Variants in TRPM1 observed in about 807,000 individuals in gnomAD.
TRPM1 encodes transient receptor potential cation channel subfamily M member 1.
TRPM1 carries 113 observed loss-of-function variants against 149.4 expected under a neutral mutation model. The ratio of observed to expected loss-of-function variants is 0.76; its 90% CI spans 0.65 to 0.88. The LOEUF is 0.88. TRPM1 is among the 40% of genes least tolerant of loss of function. TRPM1 has a pLI of 0.00. For missense variants in TRPM1, 1,976 were observed against 2,038.7 expected (o/e 0.97, Z 0.59); for synonymous variants, 741 against 759.5 (o/e 0.98, Z 0.40).
intron 20 of TRPM1, 66 bp from the exon 21 acceptor site, chr15:31,035,740 T>C (rs2033339482): frequency 1.2e-6 from 2 of 1,610,588 alleles, no homozygotes; most frequent in African/African-American, 1.3e-5. Flanking sequence ...TTTGAAACGC[T>C]GTTTTCTTTC....
upstream of TRPM1, among the ~76,000 whole-genome samples, chr15:31,104,155 G>A (rs1050861313): frequency 2.0e-5 from 3 of 152,142 alleles, no homozygotes; most frequent in Non-Finnish European, 4.4e-5. Context: ...ACCCAGCTGC[G>A]GGGGTGCAGT....
chr15:31,047,314 C>T (rs898201628), intron 14 of TRPM1, 63 bp from the exon 15 acceptor site: 79 of 1,600,532 alleles, frequency 4.9e-5, no homozygotes, highest in African/African-American at 6.7e-5. Context: ...CTTCATCACA[C>T]GTCTAGGGGG....
upstream of TRPM1, among the ~76,000 whole-genome samples, chr15:31,104,586 CT>C (rs928062797): frequency 0.013 from 1,102 of 87,480 alleles, 5 homozygotes; most frequent in African/African-American, 0.04. Flanking sequence ...GGTGATCTTC[CT>C]TTTTTTTTTT....
chr15:31,159,270 A>C (rs887278933), intron 1 of TRPM1, among the ~76,000 whole-genome samples: 1 of 152,040 alleles, frequency 6.6e-6, no homozygotes, highest in African/African-American at 2.4e-5. Context: ...ACCCATTGCA[A>C]TTTCAAGGCA....
In TRPM1 at chr15:31,026,254, C is replaced by A; in HGVS notation, c.3514G>T (p.Glu1172Ter). Residue 1172 changes from glutamate (E) to a stop codon, truncating the protein, a stop_gained, in exon 27 of 28, where the codon GAG becomes TAG. Transcript: ENST00000256552. LOFTEE classifies it high-confidence loss of function. ...AACTCATGCAGCCTCTTTAGCTCCT[C>A]GTCGCTAAGGAAGAGCTCTGTGTGA... ...DRGLKLFLSDEELKRLHEFEE... is the reference protein window; with the variant it reads ...DRGLKLFLSD 6.2e-7 allele frequency: 1 copy of A among 1,611,428 alleles called. No homozygotes were observed.
intron 26 of TRPM1, among the ~76,000 whole-genome samples, chr15:31,026,472 C>T (rs759882992): frequency 6.6e-6 from 1 of 152,134 alleles, no homozygotes; most frequent in Non-Finnish European, 1.5e-5. Context: ...CCAAACGGCC[C>T]GCTTTTAAAC....
chr15:31,088,046 T>C (rs913149515), intron 1 of TRPM1, among the ~76,000 whole-genome samples: 1 of 152,252 alleles, frequency 6.6e-6, no homozygotes, highest in Non-Finnish European at 1.5e-5. Flanking sequence ...CGCTTCACTC[T>C]AGTCCTTGTG....
At chr15:31,113,720 C>G (rs1344190439) in intron 1 of TRPM1, among the ~76,000 whole-genome samples, 1 of 152,222 alleles carries the variant, frequency 6.6e-6, no homozygotes, top group Admixed American at 6.5e-5. Flanking sequence ...CGGTGGATTT[C>G]TGGTCCCACC....
chr15:31,043,096 T>C (rs2033667936), intron 16 of TRPM1, among the ~76,000 whole-genome samples: 1 of 152,242 alleles, frequency 6.6e-6, no homozygotes, highest in South Asian at 2.1e-4. Flanking sequence ...CTCAGCCACA[T>C]TCACAGAGTT....
rs79187647 is a variant in TRPM1, at chr15:31,121,310, C to T, written c.54+39596G>A. Among the ~76,000 whole-genome samples, 1,029 of 145,628 alleles carry T rather than the reference C, an allele frequency of 7.1e-3. 15 individuals are homozygous for T. Among genetic ancestry groups the T allele is most frequent in the African/African-American group, 0.024 (961 of 39,426 alleles). ...AAGTAGAAAGAAGAACAAATTAAAACTAATATAAGCAGGAAAAAGAAATAA... is the reference window on the plus strand; with the variant it reads ...AAGTAGAAAGAAGAACAAATTAAAATTAATATAAGCAGGAAAAAGAAATAA... On this transcript the variant is annotated intron_variant, in intron 1 of 26. Coordinates refer to the TRPM1 transcript ENST00000542188.
chr15:31,024,502 G>A (rs901553343), intron 27 of TRPM1, among the ~76,000 whole-genome samples: 6 of 152,154 alleles, frequency 3.9e-5, no homozygotes, highest in Non-Finnish European at 5.9e-5. Flanking sequence ...GATCTCAGCC[G>A]AGGGAAACAG....
intron 21 of TRPM1, 123 bp downstream of exon 21, chr15:31,035,423 G>T: frequency 1.4e-6 from 2 of 1,407,882 alleles, no homozygotes; most frequent in Non-Finnish European, 2.0e-6. Context: ...TGGGATTACA[G>T]GCATGAGCCA....
chr15:31,035,988 AAT>A, intron 20 of TRPM1: 1 of 415,316 alleles, frequency 2.4e-6, no homozygotes, highest in South Asian at 2.1e-5. Context: ...GGAAACTTTT[AAT>A]AGTTTGCTGG....
chr15:31,021,778 G>A (rs2032560329), intron 27 of TRPM1, among the ~76,000 whole-genome samples: 2 of 151,050 alleles, frequency 1.3e-5, no homozygotes, highest in Admixed American at 6.6e-5. Flanking sequence ...AATCCAGAAA[G>A]TTTTGGGGGA....
Position 31,040,811 on chromosome 15 carries a change from C to T in TRPM1, c.2088-465G>A, listed in dbSNP as rs1366415229. On this transcript the variant is annotated intron_variant, in intron 17 of 27. Coordinates refer to ENST00000256552, the MANE Select transcript of TRPM1 (RefSeq NM_001252024.2). This position sits in a 1 kb window ranked among gnomAD's most constrained non-coding sequence, Gnocchi z 4.2. The stretch of plus-strand genomic sequence containing the variant: ...GAGTCACAGGAGGGCTGGTGGGTGC[C>T]GGCTAGGTTCTTAGTTGATCTGGGT... 1.3e-5 allele frequency among the ~76,000 whole-genome samples: 2 copies of T among 152,030 alleles called. 1 individual carries two copies. The highest frequency in any genetic ancestry group is 4.8e-5 in the African/African-American group (2 of 41,382).
intron 9 of TRPM1, among the ~76,000 whole-genome samples, chr15:31,062,296 C>A (rs1332373737): frequency 1.3e-5 from 2 of 152,132 alleles, no homozygotes; most frequent in South Asian, 4.1e-4. Flanking sequence ...GCCCTTTTCC[C>A]CAAGACTATC....
intron 27 of TRPM1, among the ~76,000 whole-genome samples, chr15:31,018,069 T>G (rs1394593921): frequency 6.6e-6 from 1 of 152,200 alleles, no homozygotes; most frequent in Non-Finnish European, 1.5e-5. Flanking sequence ...ATTTTATTTT[T>G]GAGATGGAGT....
chr15:31,086,060 C>G (rs1233658951), intron 1 of TRPM1, among the ~76,000 whole-genome samples: 1 of 152,166 alleles, frequency 6.6e-6, no homozygotes, highest in Admixed American at 6.5e-5. Flanking sequence ...GTTGGATTAT[C>G]TAATTCTCTC....
At chr15:31,149,945 TTCTG>T in intron 1 of TRPM1, among the ~76,000 whole-genome samples, 1 of 152,228 alleles carries the variant, frequency 6.6e-6, no homozygotes, top group Non-Finnish European at 1.5e-5. Flanking sequence ...TTCTTTTCTT[TTCTG>T]TCTTTCTTTC....
Sources: gnomAD v4.1 joint callset for allele counts (sites outside exome capture counted in the v4.1 genomes callset) on GRCh38, gnomAD v4.1.1 for gene constraint, Gnocchi (gnomAD v3.1) non-coding constraint, MANE v1.5 for transcripts, NCBI Gene and HGNC (gene_info 2026-07-23, HGNC 2026-07-21) for gene names.